PGRMC1: variants seen among roughly 807,000 people sequenced by gnomAD.
PGRMC1 encodes membrane-associated progesterone receptor component 1.
For synonymous variants in PGRMC1, 73 were observed against 77.3 expected, an observed-to-expected ratio of 0.94 and a Z score of 0.29; for missense variants, 145 against 169.0, an observed-to-expected ratio of 0.86 and a Z score of 0.79.
At chrX:119,240,628 T>A (rs1026025621) in intron 2 of PGRMC1, among the ~76,000 whole-genome samples, 164 bp downstream of exon 2, 7 of 112,210 alleles carry the variant, frequency 6.2e-5, no homozygotes, top group Non-Finnish European at 1.3e-4. Context: ...GTAGCAGTGC[T>A]GAGTCACTTG....
Position 119,236,302 on chromosome X carries a change from G to T in PGRMC1, c.-62G>T. 2.7e-5 allele frequency: 28 copies of T among 1,051,088 alleles called. No homozygotes were observed. The highest frequency in any genetic ancestry group is 3.7e-5 in the Non-Finnish European group (28 of 757,943). 86.6% of individuals were successfully genotyped at this position (1,051,088 alleles called of 1,213,427 possible). ...CGCGCGCCACTCGCTCGCTCAGAGGGAGGAGAAAGTGGCGAGTTCCGGATC... is the reference window on the plus strand; with the variant it reads ...CGCGCGCCACTCGCTCGCTCAGAGGTAGGAGAAAGTGGCGAGTTCCGGATC... On this transcript the variant is annotated 5_prime_UTR_variant, in exon 1 of 3. Transcript: ENST00000217971.
At position 119,236,607 on chromosome X, in the gene PGRMC1, G is replaced by A. The variant is rs1477155723; in HGVS notation, c.244G>A (p.Asp82Asn). 4.1e-6 allele frequency: 5 copies of A among 1,206,664 alleles called. No homozygotes were observed. In the South Asian group the frequency reaches 8.9e-5, roughly 21 times the overall value. ...CACCCCCGCCGAGCTGCGGCGCTTC[G>A]ACGGCGTCCAGGACCCGCGCATACT... is the stretch of plus-strand genomic sequence containing the variant. ...DFTPAELRRF[D>N]GVQDPRILMA... The change falls in exon 1 of 3, where the codon GAC (aspartate) becomes AAC (asparagine). Residue 82 changes from aspartate to asparagine, a missense_variant. Coordinates refer to ENST00000217971, the MANE Select transcript of PGRMC1 (RefSeq NM_006667.5).
At chrX:119,239,308 T>TA (rs1220197738) in intron 1 of PGRMC1, among the ~76,000 whole-genome samples, 1 of 112,170 alleles carries the variant, frequency 8.9e-6, no homozygotes, top group Non-Finnish European at 1.9e-5. Flanking sequence ...GTAAAATTTG[T>TA]AAAAAATTTC....
chrX:119,236,429 G>A lies in PGRMC1; in HGVS notation c.66G>A (p.Leu22=), dbSNP rs1243882174. 1 of 1,211,089 alleles carries A rather than the reference G, an allele frequency of 8.3e-7. No individual in the cohort carries two copies. Among genetic ancestry groups the A allele is most frequent in the Non-Finnish European group, 1.1e-6 (1 of 894,877 alleles). The change falls in exon 1 of 3, where the codon CTG becomes CTA. Residue 22 remains leucine (L), a synonymous_variant. Transcript: ENST00000217971. ...DPSDLESGGL[L]HEIFTSPLNL... is the part of the protein sequence containing the mutation. ...GCGATCTGGAGAGCGGCGGGCTGCT[G>A]CATGAGATTTTCACGTCGCCGCTCA... is the stretch of plus-strand genomic sequence containing the variant.
chrX:119,239,663 C>T (rs766185374), intron 1 of PGRMC1, among the ~76,000 whole-genome samples: 1 of 111,351 alleles, frequency 9.0e-6, no homozygotes, highest in Admixed American at 9.5e-5. Flanking sequence ...ACAGTCTTCT[C>T]AAGCCCACCA....
In PGRMC1 at chrX:119,243,222, C is replaced by T. The variant is rs1375722963; in HGVS notation, c.556C>T (p.Pro186Ser). 1.7e-6 allele frequency: 2 copies of T among 1,198,764 alleles called. No homozygotes were observed. Among genetic ancestry groups the T allele is most frequent in the Non-Finnish European group, 2.3e-6 (2 of 883,617 alleles). The stretch of plus-strand genomic sequence containing the variant: ...CACTGTGTACTCAGATGAGGAAGAA[C>T]CAAAAGATGAGAGTGCCCGGAAAAA... Reference protein sequence around the residue: ...EPTVYSDEEEPKDESARKND With the variant: ...EPTVYSDEEESKDESARKND Residue 186 changes from proline (P) to serine (S), a missense_variant, in exon 3 of 3, where the codon CCA becomes TCA. Physicochemically the swap from Pro to Ser is moderately conservative, Grantham distance 74. Transcript: ENST00000217971.
Position 119,236,518 on chromosome X carries a change from C to T in PGRMC1, c.155C>T (p.Ala52Val), listed in dbSNP as rs1462731652. 2 of 1,208,163 alleles carry T rather than the reference C, an allele frequency of 1.7e-6. No individual in the cohort carries two copies. Among genetic ancestry groups the T allele is most frequent in the Admixed American group, 2.2e-5 (1 of 45,863 alleles). The stretch of plus-strand genomic sequence containing the variant: ...AAGATCGTGCGCGGGGACCAGCCGG[C>T]GGCCAGCGGCGACAGCGACGACGAC... ...LYKIVRGDQP[A>V]ASGDSDDDEP... Residue 52 changes from alanine (A) to valine (V), a missense_variant, in exon 1 of 3, where the codon GCG becomes GTG. Coordinates refer to ENST00000217971, the MANE Select transcript of PGRMC1 (RefSeq NM_006667.5).
intron 1 of PGRMC1, among the ~76,000 whole-genome samples, chrX:119,237,058 G>A (rs1421169709): frequency 3.6e-5 from 4 of 111,222 alleles, no homozygotes; most frequent in Non-Finnish European, 7.6e-5. Flanking sequence ...AGTTTTCGAA[G>A]GTCCTGGGCT....
chrX:119,240,391 T>A lies in PGRMC1; in HGVS notation c.411T>A (p.Asp137Glu). 8.3e-7 allele frequency: 1 copy of A among 1,206,331 alleles called. No homozygotes were observed. ...TFCLDKEALK[D>E]EYDDLSDLTA... ...GCCTGGATAAGGAAGCACTGAAGGA[T>A]GAGTACGATGACCTTTCTGACCTCA... Residue 137 changes from aspartate to glutamate, a missense_variant, in exon 2 of 3, where the codon GAT becomes GAA. Coordinates refer to ENST00000217971, the MANE Select transcript of PGRMC1 (RefSeq NM_006667.5).
rs1289505968 is a variant in PGRMC1, at chrX:119,243,669, G to C, written c.*415G>C. The C allele has an allele frequency of 5.9e-6, 1 of 169,104 alleles. No homozygotes were observed. The highest frequency in any genetic ancestry group is 1.1e-5 in the Non-Finnish European group (1 of 90,414). The allele number at this position is 169,104 out of a possible 1,213,427, so 13.9% of individuals were successfully genotyped here. ...ACAAATCCCTTTTTTTTTCTCAATT[G>C]ACTTAACTGCATGATTTCTGTTTTA... On this transcript the variant is annotated 3_prime_UTR_variant, in exon 3 of 3. Transcript: ENST00000217971.
In PGRMC1 at chrX:119,236,602, G is replaced by C; in HGVS notation, c.239G>C (p.Arg80Pro). The stretch of plus-strand genomic sequence containing the variant: ...GACTTCACCCCCGCCGAGCTGCGGC[G>C]CTTCGACGGCGTCCAGGACCCGCGC... Reference protein sequence around the residue: ...RRDFTPAELRRFDGVQDPRIL... With the variant: ...RRDFTPAELRPFDGVQDPRIL... The change falls in exon 1 of 3, where the codon CGC becomes CCC. Residue 80 changes from arginine to proline, a missense_variant. Arg to Pro is a moderately radical substitution (Grantham distance 103). Coordinates refer to ENST00000217971, the MANE Select transcript of PGRMC1 (RefSeq NM_006667.5). The C allele has an allele frequency of 8.3e-7, 1 of 1,206,445 alleles. No homozygotes were observed. The highest frequency in any genetic ancestry group is 1.1e-6 in the Non-Finnish European group (1 of 892,884).
chrX:119,243,246 A>G lies in PGRMC1; in HGVS notation c.580A>G (p.Asn194Asp). 1 of 1,157,523 alleles carries G rather than the reference A, an allele frequency of 8.6e-7. No individual in the cohort carries two copies. Among genetic ancestry groups the G allele is most frequent in the Non-Finnish European group, 1.2e-6 (1 of 845,836 alleles). ...ACCAAAAGATGAGAGTGCCCGGAAAAATGATTAAAGCATTCAGTGGAAGTA... is the reference window on the plus strand; with the variant it reads ...ACCAAAAGATGAGAGTGCCCGGAAAGATGATTAAAGCATTCAGTGGAAGTA... Reference protein sequence around the residue: ...EEPKDESARKND With the variant: ...EEPKDESARKDD Residue 194 changes from asparagine (N) to aspartate (D), a missense_variant, in exon 3 of 3, where the codon AAT becomes GAT. By Grantham distance (23) the Asn-to-Asp change is conservative. Transcript: ENST00000217971.
In PGRMC1 at chrX:119,243,213, G is replaced by A; in HGVS notation, c.547G>A (p.Glu183Lys). ...GGAGGAGCCCACTGTGTACTCAGAT[G>A]AGGAAGAACCAAAAGATGAGAGTGC... ...EGEEPTVYSD[E>K]EEPKDESARK... Residue 183 changes from glutamate to lysine, a missense_variant, in exon 3 of 3, where the codon GAG (glutamate) becomes AAG (lysine). By Grantham distance (56) the Glu-to-Lys change is moderately conservative. Transcript: ENST00000217971. 8.3e-7 allele frequency: 1 copy of A among 1,202,831 alleles called. No individual in the cohort carries two copies. Among genetic ancestry groups the A allele is most frequent in the South Asian group, 1.8e-5 (1 of 56,814 alleles).
rs202113314 is a variant in PGRMC1, at chrX:119,243,186, G to C, written c.520G>C (p.Gly174Arg). ...TCACGTGGGCAAACTGCTGAAGGAGGGGGAGGAGCCCACTGTGTACTCAGA... is the reference window on the plus strand; with the variant it reads ...TCACGTGGGCAAACTGCTGAAGGAGCGGGAGGAGCCCACTGTGTACTCAGA... ...YHHVGKLLKE[G>R]EEPTVYSDEE... The change falls in exon 3 of 3, where the codon GGG becomes CGG. Residue 174 changes from glycine to arginine, a missense_variant. By Grantham distance (125) the Gly-to-Arg change is moderately radical. Transcript: ENST00000217971. 396 of 1,204,869 alleles carry C rather than the reference G, an allele frequency of 3.3e-4. No individual in the cohort carries two copies. The Middle Eastern group carries it at 8.8e-3, about 27-fold the overall frequency.
rs954894357 is a variant in PGRMC1, at chrX:119,243,681, T to C, written c.*427T>C. The C allele has an allele frequency of 3.5e-5, 6 of 172,431 alleles. No homozygotes were observed. The highest frequency in any genetic ancestry group is 4.3e-5 in the Non-Finnish European group (4 of 92,671). The allele number at this position is 172,431 out of a possible 1,213,427, so 14.2% of individuals were successfully genotyped here. A position where few individuals can be genotyped will look rare whatever the true frequency, so the allele number is the denominator to read the frequency against. ...TTTTTTCTCAATTGACTTAACTGCA[T>C]GATTTCTGTTTTATCTACCTCTAAA... On this transcript the variant is annotated 3_prime_UTR_variant, in exon 3 of 3. Transcript: ENST00000217971.
At chrX:119,242,036 C>G (rs1271459919) in intron 2 of PGRMC1, among the ~76,000 whole-genome samples, 2 of 111,506 alleles carry the variant, frequency 1.8e-5, no homozygotes, top group Non-Finnish European at 3.8e-5. Context: ...GTCTCTTGCT[C>G]TCCTCTTCAT....
In PGRMC1 at chrX:119,236,814, G is replaced by A. The variant is rs962076308; in HGVS notation, c.328+123G>A. 1.1e-5 allele frequency: 6 copies of A among 548,279 alleles called. No homozygotes were observed. The African/African-American group carries it at 1.8e-4, about 16-fold the overall frequency. The allele number at this position is 548,279 out of a possible 1,213,427, so 45.2% of individuals were successfully genotyped here. The stretch of plus-strand genomic sequence containing the variant: ...TGGAGGGAGGAATGGCGGCGAGCTA[G>A]GGTAGGCGGGTAGGCGGGCAGGCGG... On this transcript the variant is annotated intron_variant, in intron 1 of 2. Coordinates refer to ENST00000217971, the MANE Select transcript of PGRMC1 (RefSeq NM_006667.5).
At chrX:119,237,652 A>G (rs1476443178) in intron 1 of PGRMC1, among the ~76,000 whole-genome samples, 1 of 111,041 alleles carries the variant, frequency 9.0e-6, no homozygotes, top group Non-Finnish European at 1.9e-5. Context: ...GGATACCAAG[A>G]AACAAAAGGA....
In PGRMC1 at chrX:119,243,194, G is replaced by T; in HGVS notation, c.528G>T (p.Glu176Asp). 1 of 1,207,168 alleles carries T rather than the reference G, an allele frequency of 8.3e-7. No homozygotes were observed. The highest frequency in any genetic ancestry group is 1.1e-6 in the Non-Finnish European group (1 of 891,045). The change falls in exon 3 of 3, where the codon GAG becomes GAT. Residue 176 changes from glutamate to aspartate, a missense_variant. Glu to Asp is a conservative substitution (Grantham distance 45, BLOSUM62 2). Transcript: ENST00000217971. ...HVGKLLKEGE[E>D]PTVYSDEEEP... ...GCAAACTGCTGAAGGAGGGGGAGGA[G>T]CCCACTGTGTACTCAGATGAGGAAG...
Sources: allele counts gnomAD v4.1 joint callset (sites outside exome capture counted in the v4.1 genomes callset), GRCh38; gene constraint gnomAD v4.1.1; transcripts MANE v1.5; gene names NCBI Gene and HGNC (gene_info 2026-07-23, HGNC 2026-07-21).